The following RGL1 variants were observed in gnomAD, a reference collection of about 807,000 sequenced individuals.
RGL1 encodes ral guanine nucleotide dissociation stimulator-like 1.
Under a neutral mutation model 95.2 loss-of-function variants are expected in RGL1, and 24 were observed. The observed-to-expected ratio is 0.25, with a 90% CI of 0.18 to 0.35. RGL1 has a LOEUF of 0.35. Ranked by LOEUF, RGL1 falls within the 10% of genes least tolerant of loss-of-function variation. The pLI, the probability that RGL1 is intolerant of heterozygous loss-of-function variation, is 1.00. For synonymous variants in RGL1, 329 were observed against 344.9 expected, an observed-to-expected ratio of 0.95 and a Z score of 0.51; for missense variants, 715 against 936.3, an observed-to-expected ratio of 0.76 and a Z score of 3.08.
At chr1:183,717,226 G>A (rs746979428) in intron 1 of RGL1, among the ~76,000 whole-genome samples, 1 of 152,080 alleles carries the variant, frequency 6.6e-6, no homozygotes, top group Non-Finnish European at 1.5e-5. Context: ...CTCTTTCACA[G>A]TTGCCCTTCT....
intron 2 of RGL1, among the ~76,000 whole-genome samples, chr1:183,751,719 A>T (rs897662401): frequency 1.3e-5 from 2 of 152,110 alleles, no homozygotes; most frequent in African/African-American, 4.8e-5. Context: ...GGGTTGCAAA[A>T]ACTGTGGGAA....
chr1:183,753,605 C>A (rs1298947888), intron 2 of RGL1, among the ~76,000 whole-genome samples: 1 of 152,148 alleles, frequency 6.6e-6, no homozygotes, highest in African/African-American at 2.4e-5. Context: ...GAACATTGAC[C>A]TTGGGAAACT....
intron 2 of RGL1, among the ~76,000 whole-genome samples, chr1:183,775,637 T>G (rs1659551970): frequency 6.6e-6 from 1 of 152,260 alleles, no homozygotes; most frequent in African/African-American, 2.4e-5. Flanking sequence ...GGGCAAGAGT[T>G]AATTCTCTAA....
intron 2 of RGL1, among the ~76,000 whole-genome samples, chr1:183,786,211 G>A (rs537915072): frequency 6.6e-6 from 1 of 152,310 alleles, no homozygotes; most frequent in South Asian, 2.1e-4. Context: ...AGACCAGCCT[G>A]GGCAACATAG....
intron 1 of RGL1, among the ~76,000 whole-genome samples, chr1:183,726,592 A>G (rs1656324528): frequency 6.6e-6 from 1 of 152,174 alleles, no homozygotes; most frequent in Non-Finnish European, 1.5e-5. Context: ...AGAAAACCTG[A>G]ATATCAATTA....
chr1:183,743,439 AC>A (rs2102261762), intron 2 of RGL1, among the ~76,000 whole-genome samples: 1 of 152,304 alleles, frequency 6.6e-6, no homozygotes, highest in East Asian at 1.9e-4. Flanking sequence ...TATTTTGGCT[AC>A]CAGAAAGACC....
chr1:183,663,035 TC>T (rs1200116697), intron 1 of RGL1, among the ~76,000 whole-genome samples: 2 of 151,414 alleles, frequency 1.3e-5, no homozygotes, highest in Non-Finnish European at 3.0e-5. Context: ...CTGGATCCCT[TC>T]CTTACACCTT....
chr1:183,870,062 G>T (rs1016250701), intron 4 of RGL1, among the ~76,000 whole-genome samples: 2 of 152,152 alleles, frequency 1.3e-5, no homozygotes, highest in Non-Finnish European at 2.9e-5. Context: ...GTATTGGTTC[G>T]AACCCTAAAA....
intron 7 of RGL1, among the ~76,000 whole-genome samples, chr1:183,886,512 AG>A (rs1350460175): frequency 6.6e-6 from 1 of 152,276 alleles, no homozygotes; most frequent in East Asian, 1.9e-4. Flanking sequence ...TATGTGACAT[AG>A]TGGGGCTCAA....
At chr1:183,789,019 G>A (rs968766352) in intron 2 of RGL1, among the ~76,000 whole-genome samples, 10 of 152,146 alleles carry the variant, frequency 6.6e-5, no homozygotes, top group African/African-American at 2.4e-4. Flanking sequence ...TGAATTCTAT[G>A]GGCTTAGCCT....
At chr1:183,821,089 C>T (rs12140534) in intron 2 of RGL1, among the ~76,000 whole-genome samples, 40,717 of 151,962 alleles carry the variant, frequency 0.27, 6,307 homozygotes, top group East Asian at 0.4. Flanking sequence ...GCTGAGATTG[C>T]GCCACTGCAG....
chr1:183,860,194 C>T (rs919529455), intron 3 of RGL1, among the ~76,000 whole-genome samples: 2 of 152,198 alleles, frequency 1.3e-5, no homozygotes, highest in Non-Finnish European at 2.9e-5. Context: ...TCCTTTACTT[C>T]TTCCTTTCCG....
At chr1:183,767,053 T>C (rs1032607394) in intron 2 of RGL1, among the ~76,000 whole-genome samples, 1 of 151,016 alleles carries the variant, frequency 6.6e-6, no homozygotes, top group Non-Finnish European at 1.5e-5. Context: ...TTGTGTCTAC[T>C]AAAAATTAAA....
At chr1:183,901,522 CAAAA>C (rs940689316) in intron 11 of RGL1, among the ~76,000 whole-genome samples, 1 of 151,892 alleles carries the variant, frequency 6.6e-6, no homozygotes. Context: ...AACAAACAAA[CAAAA>C]AACCCCACAA....
At chr1:183,719,381 C>G (rs1042796870) in intron 1 of RGL1, among the ~76,000 whole-genome samples, 1 of 152,206 alleles carries the variant, frequency 6.6e-6, no homozygotes, top group Non-Finnish European at 1.5e-5. Context: ...TTTTCCTTCT[C>G]TCCCTGTGCA....
chr1:183,639,790 T>C lies in RGL1; in HGVS notation c.-33+3289T>C, dbSNP rs141805059. Among the ~76,000 whole-genome samples the C allele has an allele frequency of 3.2e-4, 48 of 151,958 alleles. No individual in the cohort carries two copies. In the East Asian group the frequency reaches 8.9e-3, roughly 28 times the overall value. The stretch of plus-strand genomic sequence containing the variant: ...AGGATTATAACCTGAGATGCACAGC[T>C]GTGGCAAGCTACATATACATCAAAG... On this transcript the variant is annotated intron_variant, in intron 1 of 18. Coordinates refer to the RGL1 transcript ENST00000304685.
In RGL1 at chr1:183,886,400, A is replaced by AT. The variant is rs201530452; in HGVS notation, c.951+1473dup. Among the ~76,000 whole-genome samples the AT allele has an allele frequency of 1.9e-3, 277 of 147,610 alleles. 1 individual carries two copies. Among genetic ancestry groups the AT allele is most frequent in the East Asian group, 2.8e-3 (14 of 5,090 alleles). Reference sequence around the variant, plus strand: ...TGTTTTTTTAGAATGATAAGGAATTATTTTTTTTTTTGCCATAAGTGTCAC... The same window carrying AT: ...TGTTTTTTTAGAATGATAAGGAATTATTTTTTTTTTTTGCCATAAGTGTCAC... On this transcript the variant is annotated intron_variant, in intron 7 of 17. Transcript: ENST00000360851.
intron 1 of RGL1, among the ~76,000 whole-genome samples, chr1:183,655,382 T>C (rs759029236): frequency 6.6e-6 from 1 of 152,274 alleles, no homozygotes; most frequent in Non-Finnish European, 1.5e-5. Context: ...TTGAACCTAC[T>C]GTACCCAAGT....
At chr1:183,697,434 C>T (rs569166817) in intron 1 of RGL1, among the ~76,000 whole-genome samples, 35 of 152,096 alleles carry the variant, frequency 2.3e-4, no homozygotes, top group Non-Finnish European at 4.3e-4. Context: ...GAGATTTTGT[C>T]CATCTTGTCC....
Sources: gnomAD v4.1 joint callset for allele counts (sites outside exome capture counted in the v4.1 genomes callset) on GRCh38, gnomAD v4.1.1 for gene constraint, MANE v1.5 for transcripts, NCBI Gene and HGNC (gene_info 2026-07-23, HGNC 2026-07-21) for gene names.